The following CCDC144A variants were observed in gnomAD, a reference collection of about 807,000 sequenced individuals.
The protein encoded by CCDC144A is coiled-coil domain containing 144A.
Under a neutral mutation model 143.8 loss-of-function variants are expected in CCDC144A, and 41 were observed. That is an observed-to-expected ratio of 0.29 (90% CI 0.22 to 0.37). The LOEUF (loss-of-function observed/expected upper bound fraction) is 0.37, where lower values mean the gene tolerates loss of function less well. Ranked by LOEUF, CCDC144A falls within the 10% of genes least tolerant of loss-of-function variation. The pLI, the probability that CCDC144A is intolerant of heterozygous loss-of-function variation, is 1.00. For synonymous variants in CCDC144A, 242 were observed against 517.9 expected (o/e 0.47, Z 7.23); for missense variants, 637 against 1,488.8 (o/e 0.43, Z 9.41).
intron 14 of CCDC144A, among the ~76,000 whole-genome samples, chr17:16,763,260 T>A (rs1190822132): frequency 1.3e-5 from 2 of 152,160 alleles, no homozygotes; most frequent in East Asian, 3.9e-4. Context: ...TTGTCCTCGA[T>A]GCTGCTTTAG....
intron 8 of CCDC144A, among the ~76,000 whole-genome samples, chr17:16,722,610 A>G (rs1429612421): frequency 6.6e-6 from 1 of 152,154 alleles, no homozygotes; most frequent in African/African-American, 2.4e-5. Context: ...ACATGTATTT[A>G]TCATTGTAGT....
intron 11 of CCDC144A, 129 bp downstream of exon 11, chr17:16,732,795 A>G: frequency 1.5e-6 from 1 of 670,486 alleles, no homozygotes. Flanking sequence ...ACACACACAC[A>G]TTTGGGGGTG....
the CCDC144A span, among the ~76,000 whole-genome samples, chr17:16,668,702 C>T: frequency 6.1e-4 from 93 of 152,248 alleles, no homozygotes; most frequent in Admixed American, 4.0e-3. Flanking sequence ...TATTTACATG[C>T]TGTATTAGTC....
intron 12 of CCDC144A, chr17:16,745,902 CT>C: frequency 6.3e-7 from 1 of 1,598,640 alleles, no homozygotes; most frequent in South Asian, 1.1e-5. Flanking sequence ...TTTCCCCCAT[CT>C]CTGCTCATCC....
chr17:16,677,661 G>A, the CCDC144A span, among the ~76,000 whole-genome samples: 14 of 151,938 alleles, frequency 9.2e-5, no homozygotes, highest in East Asian at 1.5e-3. Flanking sequence ...GTGAAACCGC[G>A]TCTCTACTAA....
At chr17:16,682,672 T>C in the CCDC144A span, among the ~76,000 whole-genome samples, 7 of 152,128 alleles carry the variant, frequency 4.6e-5, no homozygotes, top group South Asian at 1.5e-3. Context: ...TGGAATTCTA[T>C]CAAAGAAAGT....
In CCDC144A at chr17:16,720,550, G is replaced by T; in HGVS notation, c.1783G>T (p.Ala595Ser). The T allele has an allele frequency of 6.2e-7, 1 of 1,604,656 alleles. No homozygotes were observed. Among genetic ancestry groups the T allele is most frequent in the South Asian group, 1.1e-5 (1 of 89,754 alleles). The change falls in exon 8 of 17, where the codon GCT becomes TCT. Residue 595 changes from alanine to serine, a missense_variant. Transcript: ENST00000399273. ...KNQIYPEADF[A>S]DSMEPSEIAS... ...CCAAATATATCCTGAGGCTGACTTTGCTGACTCAATGGAGCCATCTGAAAT... is the reference window on the plus strand; with the variant it reads ...CCAAATATATCCTGAGGCTGACTTTTCTGACTCAATGGAGCCATCTGAAAT...
intron 12 of CCDC144A, among the ~76,000 whole-genome samples, chr17:16,740,803 G>C (rs576224760): frequency 6.6e-6 from 1 of 152,284 alleles, no homozygotes; most frequent in Admixed American, 6.5e-5. Flanking sequence ...TTGAAATCAG[G>C]TACAATGTCT....
chr17:16,768,228 GT>G (rs1272425933), intron 15 of CCDC144A, among the ~76,000 whole-genome samples: 17 of 152,276 alleles, frequency 1.1e-4, no homozygotes, highest in Non-Finnish European at 2.2e-4. Flanking sequence ...AATCATGGAG[GT>G]TTGGGAGTTC....
chr17:16,690,669 C>T lies in CCDC144A; in HGVS notation c.269C>T (p.Ser90Leu), dbSNP rs781332919. ...DLGELHRAAR[S>L]GDVPGVEHIL... ...GGCGAGCTCCACAGAGCTGCCCGGTCGGGCGACGTCCCTGGGGTGGAGCAC... is the reference window on the plus strand; with the variant it reads ...GGCGAGCTCCACAGAGCTGCCCGGTTGGGCGACGTCCCTGGGGTGGAGCAC... Residue 90 changes from serine (S) to leucine (L), a missense_variant, in exon 1 of 17, where the codon TCG becomes TTG. By Grantham distance (145) the Ser-to-Leu change is moderately radical. Transcript: ENST00000399273. 3.1e-6 allele frequency: 5 copies of T among 1,613,828 alleles called. No homozygotes were observed. The highest frequency in any genetic ancestry group is 1.7e-5 in the Admixed American group (1 of 60,014).
chr17:16,703,951 G>A (rs1016205329), intron 2 of CCDC144A, among the ~76,000 whole-genome samples: 1 of 152,218 alleles, frequency 6.6e-6, no homozygotes, highest in Non-Finnish European at 1.5e-5. Context: ...GAAACAGAAT[G>A]AGAGTGAAAA....
rs200955928 is a variant in CCDC144A at position 16,768,367 on chromosome 17, A to G, written c.4099-3610A>G. Among the ~76,000 whole-genome samples the G allele has an allele frequency of 6.4e-4, 97 of 152,162 alleles. No homozygotes were observed. In the East Asian group the frequency reaches 0.018, roughly 28 times the overall value. ...ATTATTTTGTCATACTTTAAGGCCC[A>G]GGGAAGGCCTAGGCAAGATTCTTGG... On this transcript the variant is annotated intron_variant, in intron 15 of 16. Coordinates refer to ENST00000399273, the MANE Select transcript of CCDC144A (RefSeq NM_001382000.1).
chr17:16,673,464 G>A, the CCDC144A span, among the ~76,000 whole-genome samples: 2 of 149,260 alleles, frequency 1.3e-5, no homozygotes, highest in Admixed American at 6.7e-5. Context: ...GTGGCTCACC[G>A]CAACCTCTGC....
chr17:16,769,137 G>A (rs1326447340), intron 15 of CCDC144A, among the ~76,000 whole-genome samples: 12 of 152,058 alleles, frequency 7.9e-5, no homozygotes, highest in South Asian at 2.1e-4. Flanking sequence ...GACACCCATC[G>A]CAGGTGCATG....
the CCDC144A span, among the ~76,000 whole-genome samples, chr17:16,680,898 G>C: frequency 6.6e-6 from 1 of 151,906 alleles, no homozygotes; most frequent in Non-Finnish European, 1.5e-5. Flanking sequence ...GATCAAGTAG[G>C]ATGTATTATA....
chr17:16,692,123 C>G (rs1461821618), intron 1 of CCDC144A, among the ~76,000 whole-genome samples: 3 of 152,154 alleles, frequency 2.0e-5, no homozygotes, highest in East Asian at 1.9e-4. Flanking sequence ...ACTTGCATGT[C>G]TTTCATGGAA....
chr17:16,732,858 T>C (rs1467491670), intron 11 of CCDC144A, among the ~76,000 whole-genome samples, 192 bp downstream of exon 11: 1 of 151,088 alleles, frequency 6.6e-6, no homozygotes, highest in East Asian at 1.9e-4. Context: ...TGTTCTTAAT[T>C]CAACTCCATT....
intron 9 of CCDC144A, among the ~76,000 whole-genome samples, chr17:16,728,435 T>G (rs931944630): frequency 6.6e-6 from 1 of 152,192 alleles, no homozygotes; most frequent in Non-Finnish European, 1.5e-5. Context: ...ATATAGGAAC[T>G]TTTTAAAAAG....
At chr17:16,682,886 T>G in the CCDC144A span, among the ~76,000 whole-genome samples, 9 of 52,248 alleles carry the variant, frequency 1.7e-4, no homozygotes, top group East Asian at 1.9e-3. Flanking sequence ...ATTCTCTGTT[T>G]TTTTTTTTTT....
Sources: gnomAD v4.1 joint callset for allele counts (sites outside exome capture counted in the v4.1 genomes callset) on GRCh38, gnomAD v4.1.1 for gene constraint, MANE v1.5 for transcripts, NCBI Gene and HGNC (gene_info 2026-07-23, HGNC 2026-07-21) for gene names.